FRAS1: variants seen among roughly 807,000 people sequenced by gnomAD.
The protein encoded by FRAS1 is Fraser extracellular matrix complex subunit 1.
In FRAS1, 290 loss-of-function variants were observed where a neutral mutation model predicts 435.2. The ratio of observed to expected loss-of-function variants is 0.67; its 90% CI spans 0.61 to 0.73. The LOEUF (loss-of-function observed/expected upper bound fraction) is 0.73. Ranked by LOEUF, FRAS1 falls within the 30% of genes least tolerant of loss-of-function variation. The probability of loss-of-function intolerance (pLI) is 0.00; values close to 1 mark genes in which losing one functional copy is unlikely to be tolerated. For synonymous variants in FRAS1, 1,800 were observed against 1,851.0 expected, an observed-to-expected ratio of 0.97 and a Z score of 0.71; for missense variants, 4,860 against 5,001.5, an observed-to-expected ratio of 0.97 and a Z score of 0.85.
At chr4:78,213,039 G>C (rs1723584170) in intron 2 of FRAS1, among the ~76,000 whole-genome samples, 1 of 152,186 alleles carries the variant, frequency 6.6e-6, no homozygotes, top group South Asian at 2.1e-4. Context: ...ACTAGTCTCT[G>C]GATGCAGGCT....
intron 2 of FRAS1, among the ~76,000 whole-genome samples, chr4:78,176,517 TCAAATATGTGAAGA>T (rs1159549947): frequency 6.6e-6 from 1 of 152,182 alleles, no homozygotes; most frequent in Non-Finnish European, 1.5e-5. Flanking sequence ...TCATCATCCT[TCAAATATGTGAAGA>T]CAGCCATCAT....
chr4:78,086,117 ACACT>A (rs548775811), intron 2 of FRAS1, among the ~76,000 whole-genome samples: 3,592 of 152,264 alleles, frequency 0.024, 142 homozygotes, highest in African/African-American at 0.081. Flanking sequence ...CAGGATTAAG[ACACT>A]CACTCAAAAC....
At chr4:78,298,385 T>C (rs1728247793) in intron 14 of FRAS1, among the ~76,000 whole-genome samples, 1 of 151,936 alleles carries the variant, frequency 6.6e-6, no homozygotes, top group Non-Finnish European at 1.5e-5. Context: ...TTGTATACCT[T>C]AAATATACAC....
At chr4:78,356,523 T>C (rs972555499) in intron 20 of FRAS1, among the ~76,000 whole-genome samples, 1 of 152,202 alleles carries the variant, frequency 6.6e-6, no homozygotes, top group African/African-American at 2.4e-5. Context: ...AGGATCTCCA[T>C]TCCTGGTCAC....
chr4:78,475,607 G>A lies in FRAS1; in HGVS notation c.7851+1G>A, dbSNP rs922875803. On this transcript the variant is annotated splice_donor_variant, in intron 54 of 73. Coordinates refer to ENST00000512123, the MANE Select transcript of FRAS1 (RefSeq NM_025074.7). LOFTEE classifies it high-confidence loss of function. Reference sequence around the variant, plus strand: ...GGACTATGTAGAGTATGCTGGCCAGGTAGGTGGGGTAGTGGGGTTGGGGGA... The same window carrying A: ...GGACTATGTAGAGTATGCTGGCCAGATAGGTGGGGTAGTGGGGTTGGGGGA... 1.3e-6 allele frequency: 2 copies of A among 1,555,330 alleles called. No homozygotes were observed. The highest frequency in any genetic ancestry group is 1.7e-6 in the Non-Finnish European group (2 of 1,143,602).
intron 2 of FRAS1, among the ~76,000 whole-genome samples, chr4:78,168,530 G>C (rs1721426432): frequency 6.6e-6 from 1 of 151,712 alleles, no homozygotes; most frequent in Non-Finnish European, 1.5e-5. Context: ...CCTTGAGTAG[G>C]CACAGTCAGA....
intron 2 of FRAS1, among the ~76,000 whole-genome samples, chr4:78,171,662 G>A (rs1210072345): frequency 6.6e-6 from 1 of 152,032 alleles, no homozygotes; most frequent in Non-Finnish European, 1.5e-5. Flanking sequence ...CAGGTTCTTT[G>A]CCTAGCCTGT....
intron 2 of FRAS1, among the ~76,000 whole-genome samples, chr4:78,199,693 G>C (rs17421078): frequency 0.069 from 10,563 of 152,256 alleles, 505 homozygotes; most frequent in Non-Finnish European, 0.1. Context: ...ATGGTGTCCA[G>C]ACTTCCACCT....
intron 41 of FRAS1, among the ~76,000 whole-genome samples, chr4:78,444,674 A>C (rs1718733780): frequency 6.6e-6 from 1 of 151,986 alleles, no homozygotes; most frequent in Admixed American, 6.5e-5. Flanking sequence ...AATTAAAATC[A>C]AGTAAAAAAC....
chr4:78,385,260 T>C lies in FRAS1; in HGVS notation c.3648+1117T>C, dbSNP rs1158132246. On this transcript the variant is annotated intron_variant, in intron 28 of 73. Coordinates refer to ENST00000512123, the MANE Select transcript of FRAS1 (RefSeq NM_025074.7). ...TAGGGAAATAGGTATATTCATATGT[T>C]ATGAAAAGCAAGAGAGTGGAATATT... 2.0e-5 allele frequency among the ~76,000 whole-genome samples: 3 copies of C among 152,240 alleles called. No homozygotes were observed. In the East Asian group the frequency reaches 5.8e-4, roughly 29 times the overall value.
At chr4:78,497,204 TCAA>T (rs1720533037) in intron 60 of FRAS1, among the ~76,000 whole-genome samples, 2 of 152,084 alleles carry the variant, frequency 1.3e-5, no homozygotes, top group South Asian at 4.1e-4. Flanking sequence ...CTGATTGTGG[TCAA>T]AAGCTGAGAC....
intron 2 of FRAS1, among the ~76,000 whole-genome samples, chr4:78,121,547 G>A (rs1719024264): frequency 2.0e-5 from 3 of 152,182 alleles, no homozygotes; most frequent in Admixed American, 2.0e-4. Flanking sequence ...GGCACGCCCT[G>A]GGAAAGCACT....
intron 2 of FRAS1, among the ~76,000 whole-genome samples, chr4:78,135,148 T>C (rs2109989086): frequency 6.6e-6 from 1 of 152,284 alleles, no homozygotes; most frequent in African/African-American, 2.4e-5. Context: ...CACTTGCAAA[T>C]TAAAAAGAAA....
chr4:78,286,534 G>T lies in FRAS1; in HGVS notation c.1529G>T (p.Cys510Phe). The T allele has an allele frequency of 6.2e-7, 1 of 1,612,078 alleles. No individual in the cohort carries two copies. Among genetic ancestry groups the T allele is most frequent in the Non-Finnish European group, 8.5e-7 (1 of 1,179,554 alleles). Residue 510 changes from cysteine (C) to phenylalanine (F), a missense_variant, in exon 14 of 74, where the codon TGT (cysteine) becomes TTT (phenylalanine). Cys to Phe is a radical substitution (Grantham distance 205). Transcript: ENST00000512123. ...GDGFYQDRHS[C>F]AVCHESCAGC... is the part of the protein sequence containing the mutation. The stretch of plus-strand genomic sequence containing the variant: ...GGCTTCTACCAAGATCGCCATTCCT[G>T]TGCAGGTAATCTCTGGCTGGGCCAC...
chr4:78,208,319 T>C (rs1723350433), intron 2 of FRAS1, among the ~76,000 whole-genome samples: 1 of 152,162 alleles, frequency 6.6e-6, no homozygotes, highest in African/African-American at 2.4e-5. Flanking sequence ...AGATCTTCCC[T>C]CTGACATAGC....
chr4:78,181,774 C>T, intron 2 of FRAS1: 1 of 1,610,960 alleles, frequency 6.2e-7, no homozygotes, highest in South Asian at 1.1e-5. Context: ...TCTCCTCTTT[C>T]TTGTCAACCA....
chr4:78,115,637 C>G (rs1281081934), intron 2 of FRAS1, among the ~76,000 whole-genome samples: 2 of 152,144 alleles, frequency 1.3e-5, no homozygotes, highest in African/African-American at 4.8e-5. Context: ...ATAGTATTCT[C>G]TGATGGTAGT....
intron 23 of FRAS1, among the ~76,000 whole-genome samples, chr4:78,371,500 A>C (rs1398271586): frequency 5.9e-5 from 9 of 152,192 alleles, no homozygotes; most frequent in Admixed American, 5.9e-4. Flanking sequence ...ACTGTGCTAA[A>C]TTATTTAAAT....
intron 9 of FRAS1, among the ~76,000 whole-genome samples, chr4:78,268,742 G>T (rs1286498114): frequency 6.6e-6 from 1 of 152,146 alleles, no homozygotes; most frequent in Non-Finnish European, 1.5e-5. Flanking sequence ...ATTTCCATGT[G>T]CCTGTCTGCT....
Sources: allele counts gnomAD v4.1 joint callset (sites outside exome capture counted in the v4.1 genomes callset), GRCh38; gene constraint gnomAD v4.1.1; transcripts MANE v1.5; gene names NCBI Gene and HGNC (gene_info 2026-07-23, HGNC 2026-07-21).